The following JAK1 variants were observed in gnomAD, a reference collection of about 807,000 sequenced individuals.
JAK1 encodes Janus kinase 1.
Under a neutral mutation model 136.6 loss-of-function variants are expected in JAK1, and 16 were observed. The ratio of observed to expected loss-of-function variants is 0.12; its 90% CI spans 0.08 to 0.18. JAK1 has a LOEUF of 0.18. Ranked by LOEUF, JAK1 falls within the 10% of genes least tolerant of loss-of-function variation. JAK1 has a pLI of 1.00. For synonymous variants in JAK1, 492 were observed against 519.5 expected (o/e 0.95, Z 0.72); for missense variants, 859 against 1,450.1 (o/e 0.59, Z 6.62).
Position 65,004,698 on chromosome 1 carries a change from G to T in JAK1, c.-78+39782C>A, listed in dbSNP as rs552325805. ...GGATTATGACTAAAAATTCTTTTAC[G>T]TGTTGTCTGTGGTGTTTCCACAATA... On this transcript the variant is annotated intron_variant, in intron 2 of 25. Coordinates refer to the JAK1 transcript ENST00000671954. 4.6e-5 allele frequency among the ~76,000 whole-genome samples: 7 copies of T among 152,278 alleles called. No homozygotes were observed. The South Asian group carries it at 1.5e-3, about 32-fold the overall frequency.
chr1:64,900,224 AT>A (rs1343710594), intron 1 of JAK1, among the ~76,000 whole-genome samples: 14 of 152,222 alleles, frequency 9.2e-5, no homozygotes, highest in African/African-American at 3.4e-4. Context: ...GCAAAACATA[AT>A]TATTTGTCAT....
chr1:64,883,010 C>T (rs1316619261), intron 3 of JAK1, among the ~76,000 whole-genome samples: 2 of 152,136 alleles, frequency 1.3e-5, no homozygotes, highest in South Asian at 2.1e-4. Context: ...AGAAGTCAAG[C>T]GTCATCCCCT....
chr1:64,962,805 C>G (rs995376582), intron 1 of JAK1, among the ~76,000 whole-genome samples: 1 of 152,158 alleles, frequency 6.6e-6, no homozygotes, highest in East Asian at 1.9e-4. Context: ...CGGTGGCTCA[C>G]GCCTGTAATC....
chr1:65,035,864 C>G (rs1048353112), intron 2 of JAK1, among the ~76,000 whole-genome samples: 3 of 152,066 alleles, frequency 2.0e-5, no homozygotes, highest in African/African-American at 7.2e-5. Context: ...GTCACAAGCT[C>G]GAGACCAGCC....
intron 1 of JAK1, among the ~76,000 whole-genome samples, chr1:64,902,842 C>A (rs1384073308): frequency 6.6e-6 from 1 of 152,094 alleles, no homozygotes; most frequent in East Asian, 1.9e-4. Context: ...AGAATGCTCA[C>A]AATAGTGACT....
rs1645570865 is a variant in JAK1, at chr1:64,925,657, G to A, written c.-77-39316C>T. Among the ~76,000 whole-genome samples, 2 of 152,224 alleles carry A rather than the reference G, an allele frequency of 1.3e-5. 1 individual carries two copies. The highest frequency in any genetic ancestry group is 4.1e-4 in the South Asian group (2 of 4,824). ...TGGGTAACTGGGCCTTCCACACCATGCAATCTAGTAATTCCGACTAACATC... is the reference window on the plus strand; with the variant it reads ...TGGGTAACTGGGCCTTCCACACCATACAATCTAGTAATTCCGACTAACATC... On this transcript the variant is annotated intron_variant, in intron 1 of 24. Transcript: ENST00000342505.
intron 1 of JAK1, among the ~76,000 whole-genome samples, chr1:64,919,109 T>G (rs1247611886): frequency 6.6e-6 from 1 of 152,230 alleles, no homozygotes; most frequent in Non-Finnish European, 1.5e-5. Flanking sequence ...GTTGGTGTGC[T>G]GCACCTGTTA....
intron 20 of JAK1, chr1:64,839,400 A>T: frequency 2.2e-6 from 1 of 445,934 alleles, no homozygotes; most frequent in Non-Finnish European, 3.9e-6. Flanking sequence ...CCCTGGATGG[A>T]GGGGCCTGGG....
chr1:64,862,217 C>T (rs563821482), intron 8 of JAK1, among the ~76,000 whole-genome samples: 4 of 152,304 alleles, frequency 2.6e-5, no homozygotes, highest in African/African-American at 4.8e-5. Context: ...GGGTTCAAAT[C>T]GCAGCCTCTC....
At chr1:64,864,694 G>A in intron 8 of JAK1, 93 bp downstream of exon 8, 1 of 1,034,784 alleles carries the variant, frequency 9.7e-7, no homozygotes, top group African/African-American at 1.6e-5. Context: ...CTTTAGGACA[G>A]GAACTCTGAA....
chr1:64,879,405 C>A (rs184494836), intron 3 of JAK1, among the ~76,000 whole-genome samples: 1 of 152,120 alleles, frequency 6.6e-6, no homozygotes, highest in East Asian at 1.9e-4. Context: ...AAAAATAAAA[C>A]TCTGATGATA....
intron 1 of JAK1, among the ~76,000 whole-genome samples, chr1:64,947,569 TC>T (rs1646009400): frequency 6.6e-6 from 1 of 151,458 alleles, no homozygotes; most frequent in Non-Finnish European, 1.5e-5. Context: ...ATCCTTGGAG[TC>T]CATGAACCAT....
intron 12 of JAK1, among the ~76,000 whole-genome samples, chr1:64,850,152 C>T (rs986201407): frequency 3.9e-5 from 6 of 152,276 alleles, no homozygotes; most frequent in South Asian, 2.1e-4. Context: ...GATACCCCAA[C>T]GCGTGGCCCT....
At chr1:64,841,377 C>T (rs751504339) in intron 18 of JAK1, 38 bp from the exon 19 acceptor site, 3 of 1,611,822 alleles carry the variant, frequency 1.9e-6, no homozygotes, top group South Asian at 1.1e-5. Flanking sequence ...GAAAGGCAGT[C>T]GATTGCCAGG....
intron 17 of JAK1, among the ~76,000 whole-genome samples, chr1:64,843,837 C>G (rs1049746785): frequency 3.9e-5 from 6 of 152,190 alleles, no homozygotes; most frequent in Non-Finnish European, 7.3e-5. Flanking sequence ...TTAATCTTCA[C>G]AACAACCCTA....
intron 17 of JAK1, 124 bp from the exon 18 acceptor site, chr1:64,841,725 C>A: frequency 2.0e-6 from 2 of 981,278 alleles, no homozygotes; most frequent in Non-Finnish European, 3.1e-6. Context: ...AGGTAGATTT[C>A]GTAAGTGTTT....
intron 1 of JAK1, among the ~76,000 whole-genome samples, chr1:64,945,718 A>G (rs1158540986): frequency 7.3e-6 from 1 of 137,778 alleles, no homozygotes; most frequent in Non-Finnish European, 1.6e-5. Context: ...ACCCTGTTAT[A>G]CTGGTTTGCT....
At chr1:65,010,605 A>G (rs1646840491) in intron 2 of JAK1, among the ~76,000 whole-genome samples, 1 of 152,200 alleles carries the variant, frequency 6.6e-6, no homozygotes, top group African/African-American at 2.4e-5. Flanking sequence ...GTAAAATAAT[A>G]ACTGTTCATT....
At chr1:64,884,576 C>T (rs1644824621) in intron 2 of JAK1, among the ~76,000 whole-genome samples, 1 of 152,162 alleles carries the variant, frequency 6.6e-6, no homozygotes, top group Admixed American at 6.5e-5. Context: ...CTTCTTGCTT[C>T]ATGCTTGAAA....
Sources: gnomAD v4.1 joint callset for allele counts (sites outside exome capture counted in the v4.1 genomes callset) on GRCh38, gnomAD v4.1.1 for gene constraint, MANE v1.5 for transcripts, NCBI Gene and HGNC (gene_info 2026-07-23, HGNC 2026-07-21) for gene names.